SLC2A13: variants seen among roughly 807,000 people sequenced by gnomAD.
SLC2A13 encodes the protein proton myo-inositol cotransporter.
SLC2A13 carries 32 observed loss-of-function variants against 64.4 expected under a neutral mutation model. The observed-to-expected ratio is 0.50, with a 90% CI of 0.37 to 0.67. The LOEUF is 0.67. Ranked by LOEUF, SLC2A13 falls within the 30% of genes least tolerant of loss-of-function variation. The pLI is 0.00. For missense variants in SLC2A13, 743 were observed against 829.2 expected, an observed-to-expected ratio of 0.90 and a Z score of 1.28; for synonymous variants, 338 against 327.1, an observed-to-expected ratio of 1.03 and a Z score of -0.36.
At chr12:39,864,629 A>C (rs1943854945) in intron 6 of SLC2A13, 133 bp downstream of exon 6, 1 of 1,251,870 alleles carries the variant, frequency 8.0e-7, no homozygotes, top group African/African-American at 1.5e-5. Context: ...CACCTTTCCC[A>C]TTTTCTTCCC....
chr12:40,042,977 A>C (rs1948113519), intron 2 of SLC2A13, among the ~76,000 whole-genome samples: 1 of 148,626 alleles, frequency 6.7e-6, no homozygotes, highest in Non-Finnish European at 1.5e-5. Flanking sequence ...AAAAAAAAAA[A>C]CTAGAAACAT....
chr12:39,993,886 T>C (rs1947180051), intron 3 of SLC2A13, among the ~76,000 whole-genome samples: 1 of 152,358 alleles, frequency 6.6e-6, no homozygotes, highest in Middle Eastern at 3.4e-3. Context: ...GTTTCTTATC[T>C]ACTTAAATAT....
intron 1 of SLC2A13, among the ~76,000 whole-genome samples, chr12:40,083,030 A>T (rs908078140): frequency 3.3e-5 from 5 of 151,986 alleles, no homozygotes; most frequent in African/African-American, 1.2e-4. Flanking sequence ...CAGTGGGAGA[A>T]GTTCTTCCTG....
chr12:39,969,942 G>T (rs1297780382), intron 3 of SLC2A13, among the ~76,000 whole-genome samples: 19 of 152,050 alleles, frequency 1.2e-4, no homozygotes, highest in Non-Finnish European at 2.2e-4. Context: ...GGTCTAACAT[G>T]TAAGTCTTTA....
At position 39,980,913 on chromosome 12, in the gene SLC2A13, C is replaced by T. The variant is rs1236880426; in HGVS notation, c.926-29548G>A. Among the ~76,000 whole-genome samples, 10 of 151,960 alleles carry T rather than the reference C, an allele frequency of 6.6e-5. No homozygotes were observed. In the East Asian group the frequency reaches 1.5e-3, roughly 23 times the overall value. ...ACCACACCTATTCCAAAATTGACCACATAGTTGGAAGGAAAGCTCTCCTCA... is the reference window on the plus strand; with the variant it reads ...ACCACACCTATTCCAAAATTGACCATATAGTTGGAAGGAAAGCTCTCCTCA... On this transcript the variant is annotated intron_variant, in intron 3 of 9. Coordinates refer to ENST00000280871, the MANE Select transcript of SLC2A13 (RefSeq NM_052885.4).
intron 3 of SLC2A13, among the ~76,000 whole-genome samples, chr12:40,020,320 G>A (rs774351864): frequency 3.9e-5 from 6 of 152,164 alleles, no homozygotes; most frequent in Non-Finnish European, 8.8e-5. Context: ...TCAGATCATG[G>A]AGGCAGTTCC....
At position 39,979,489 on chromosome 12, in the gene SLC2A13, G is replaced by C. The variant is rs1171580465; in HGVS notation, c.926-28124C>G. 5.4e-5 allele frequency among the ~76,000 whole-genome samples: 8 copies of C among 149,024 alleles called. No homozygotes were observed. In the East Asian group the frequency reaches 1.6e-3, roughly 29 times the overall value. ...AGAGAAGTGCTTAAAGGAGCTGATG[G>C]AGCTGAAAGCCAAGGCTCGAGAACT... On this transcript the variant is annotated intron_variant, in intron 3 of 9. Coordinates refer to ENST00000280871, the MANE Select transcript of SLC2A13 (RefSeq NM_052885.4).
At chr12:40,070,782 C>G (rs566327132) in intron 1 of SLC2A13, among the ~76,000 whole-genome samples, 12 of 152,264 alleles carry the variant, frequency 7.9e-5, no homozygotes, top group Admixed American at 3.3e-4. Flanking sequence ...TCTGGACATC[C>G]TTTAAAAATT....
intron 4 of SLC2A13, among the ~76,000 whole-genome samples, chr12:39,873,349 A>G (rs1035825359): frequency 6.6e-6 from 1 of 152,226 alleles, no homozygotes; most frequent in Non-Finnish European, 1.5e-5. Flanking sequence ...GATGATAACA[A>G]TTATGAAAAC....
At chr12:39,760,389 T>C (rs185547001) in intron 9 of SLC2A13, 137 bp from the exon 10 acceptor site, 2 of 669,522 alleles carry the variant, frequency 3.0e-6, no homozygotes, top group Non-Finnish European at 2.5e-6. Flanking sequence ...AAAATTACTA[T>C]GAACCTGGTT....
intron 1 of SLC2A13, among the ~76,000 whole-genome samples, chr12:40,079,804 TAAGA>T (rs1938325241): frequency 1.3e-5 from 2 of 152,370 alleles, no homozygotes; most frequent in South Asian, 4.1e-4. Context: ...CAAATATACT[TAAGA>T]TAGTTAAGAC....
In SLC2A13 at chr12:40,064,373, TAA is replaced by T. The variant is rs373390448; in HGVS notation, c.557-16165_557-16164del. Reference sequence around the variant, plus strand: ...AAAGTGGACTTAACTTTTTAACATATAAGTTTCAAAAATAAATAGTAAACATT... The same window carrying T: ...AAAGTGGACTTAACTTTTTAACATATGTTTCAAAAATAAATAGTAAACATT... On this transcript the variant is annotated intron_variant, in intron 1 of 9. Coordinates refer to ENST00000280871, the MANE Select transcript of SLC2A13 (RefSeq NM_052885.4). Among the ~76,000 whole-genome samples, 82 of 152,234 alleles carry T rather than the reference TAA, an allele frequency of 5.4e-4. 2 individuals are homozygous for T. The South Asian group carries it at 0.012, about 22-fold the overall frequency.
intron 7 of SLC2A13, among the ~76,000 whole-genome samples, chr12:39,823,305 G>T (rs1205186063): frequency 6.6e-6 from 1 of 152,112 alleles, no homozygotes; most frequent in Admixed American, 6.5e-5. Context: ...ACAGCTGGAG[G>T]TTTTTCTATC....
At chr12:40,069,724 C>T (rs1937879478) in intron 1 of SLC2A13, among the ~76,000 whole-genome samples, 1 of 151,758 alleles carries the variant, frequency 6.6e-6, no homozygotes, top group Non-Finnish European at 1.5e-5. Context: ...ATTCATCTAA[C>T]AAATATCTCA....
rs577348327 is a variant in SLC2A13 at position 39,761,620 on chromosome 12, G to C, written c.1721-1368C>G. ...TGATAAGCTAGCTCTTGGAGAATGG[G>C]GGAATTTTGACAAAAAAAAAATGAA... On this transcript the variant is annotated intron_variant, in intron 9 of 9. Coordinates refer to ENST00000280871, the MANE Select transcript of SLC2A13 (RefSeq NM_052885.4). 7.9e-4 allele frequency among the ~76,000 whole-genome samples: 25 copies of C among 31,648 alleles called. No individual in the cohort carries two copies. In the South Asian group the frequency reaches 0.034, roughly 43 times the overall value. The allele number at this position is 31,648 out of a possible 152,430, so 20.8% of individuals were successfully genotyped here.
intron 7 of SLC2A13, among the ~76,000 whole-genome samples, chr12:39,773,097 C>A (rs971014404): frequency 6.6e-6 from 1 of 152,198 alleles, no homozygotes; most frequent in Non-Finnish European, 1.5e-5. Context: ...GAACATAATG[C>A]TCCCGAAAAG....
At chr12:39,943,594 C>T (rs534218049) in intron 4 of SLC2A13, among the ~76,000 whole-genome samples, 2 of 152,246 alleles carry the variant, frequency 1.3e-5, no homozygotes, top group South Asian at 2.1e-4. Flanking sequence ...TAATGGTGGA[C>T]GCCCCTCCGC....
At chr12:39,804,272 G>A (rs1941897937) in intron 7 of SLC2A13, among the ~76,000 whole-genome samples, 2 of 152,100 alleles carry the variant, frequency 1.3e-5, no homozygotes, top group African/African-American at 4.8e-5. Flanking sequence ...GAAGGCAAAA[G>A]TAGTTATCAA....
chr12:40,062,385 G>A (rs75847237), intron 1 of SLC2A13, among the ~76,000 whole-genome samples: 3 of 150,510 alleles, frequency 2.0e-5, no homozygotes. Context: ...AGCTTCAGGG[G>A]AAAAAAAAAT....
Sources: gnomAD v4.1 joint callset for allele counts (sites outside exome capture counted in the v4.1 genomes callset) on GRCh38, gnomAD v4.1.1 for gene constraint, MANE v1.5 for transcripts, NCBI Gene and HGNC (gene_info 2026-07-23, HGNC 2026-07-21) for gene names.